ANKRD13D: variants seen among roughly 807,000 people sequenced by gnomAD.
ANKRD13D encodes the protein ankyrin repeat domain-containing protein 13D.
ANKRD13D carries 24 observed loss-of-function variants against 68.8 expected under a neutral mutation model. That is an observed-to-expected ratio of 0.35 (90% CI 0.25 to 0.49). ANKRD13D has a LOEUF of 0.49. Among genes scored for constraint, ANKRD13D ranks in the 20% least tolerant of loss-of-function variants. The pLI is 0.99. For missense variants in ANKRD13D, 735 were observed against 832.1 expected, an observed-to-expected ratio of 0.88 and a Z score of 1.44; for synonymous variants, 331 against 336.1, an observed-to-expected ratio of 0.98 and a Z score of 0.16.
At chr11:67,295,808 C>T (rs989007483) in intron 6 of ANKRD13D, among the ~76,000 whole-genome samples, 1 of 152,158 alleles carries the variant, frequency 6.6e-6, no homozygotes, top group African/African-American at 2.4e-5. Context: ...TTGTCTTGTT[C>T]TTCATCTTAG....
intron 6 of ANKRD13D, among the ~76,000 whole-genome samples, chr11:67,297,421 C>A (rs1259531011): frequency 6.6e-6 from 1 of 152,168 alleles, no homozygotes; most frequent in Non-Finnish European, 1.5e-5. Flanking sequence ...TCTCGAACTC[C>A]TGTGCTCAAG....
In ANKRD13D at chr11:67,301,581, A is replaced by G; in HGVS notation, c.1442A>G (p.Asp481Gly). 6.2e-7 allele frequency: 1 copy of G among 1,612,918 alleles called. No homozygotes were observed. Among genetic ancestry groups the G allele is most frequent in the South Asian group, 1.1e-5 (1 of 91,086 alleles). ...LGMERNEPLR[D>G]EDDDLLQFAI... is the part of the protein sequence containing the mutation. Reference sequence around the variant, plus strand: ...ATGGAGCGCAACGAGCCCCTCCGGGACGAGGACGATGACCTCCTGCAGTTC... The same window carrying G: ...ATGGAGCGCAACGAGCCCCTCCGGGGCGAGGACGATGACCTCCTGCAGTTC... The change falls in exon 13 of 15, where the codon GAC (aspartate) becomes GGC (glycine). Residue 481 changes from aspartate (D) to glycine (G), a missense_variant. By Grantham distance (94) the Asp-to-Gly change is moderately conservative. Coordinates refer to ENST00000511455, the MANE Select transcript of ANKRD13D (RefSeq NM_207354.3). This position sits in a 1 kb window ranked among gnomAD's most constrained non-coding sequence, Gnocchi z 4.5.
At chr11:67,291,934 A>G (rs1860574509) in intron 5 of ANKRD13D, 57 bp from the exon 6 acceptor site, 4 of 1,533,978 alleles carry the variant, frequency 2.6e-6, no homozygotes, top group South Asian at 1.2e-5. Flanking sequence ...CCCTCTCTGC[A>G]CTGCTGGCGC....
chr11:67,300,207 C>T lies in ANKRD13D; in HGVS notation c.1073+84C>T. On this transcript the variant is annotated intron_variant, in intron 10 of 14. Transcript: ENST00000511455. This position sits in a 1 kb window ranked among gnomAD's most constrained non-coding sequence, Gnocchi z 4.3. ...CTCTGGGCCTGTCATAGTTAGGGAC[C>T]CACTCCCTCGGCTGGCTTCTCTCTG... 1 of 1,568,922 alleles carries T rather than the reference C, an allele frequency of 6.4e-7. No homozygotes were observed. Among genetic ancestry groups the T allele is most frequent in the Non-Finnish European group, 8.7e-7 (1 of 1,152,708 alleles).
Position 67,302,213 on chromosome 11 carries a change from G to T in ANKRD13D, c.1699G>T (p.Glu567Ter). ...AGCCCCCGGTCCACCCAGCTTTGAA[G>T]AGCAGCTGCGCCTGGCCCTGGAGTT... is the stretch of plus-strand genomic sequence containing the variant. ...PPAPGPPSFE[E>*]QLRLALELSS... Residue 567 changes from glutamate to a stop codon, truncating the protein, a stop_gained, in exon 15 of 15, where the codon GAG becomes TAG. Coordinates refer to ENST00000511455, the MANE Select transcript of ANKRD13D (RefSeq NM_207354.3). LOFTEE classifies it high-confidence loss of function. 1 of 1,586,026 alleles carries T rather than the reference G, an allele frequency of 6.3e-7. No individual in the cohort carries two copies. The highest frequency in any genetic ancestry group is 8.6e-7 in the Non-Finnish European group (1 of 1,166,404).
chr11:67,289,433 G>A lies in ANKRD13D; in HGVS notation c.-28G>A, dbSNP rs563273856. On this transcript the variant is annotated 5_prime_UTR_variant, in exon 1 of 15. Transcript: ENST00000511455. ...CCGTGCCAGGCCCGAAGCCGAGGCG[G>A]GGCCGGGATGCGGCGCTGAGGCCCA... 2,882 of 1,423,112 alleles carry A rather than the reference G, an allele frequency of 2.0e-3. 51 individuals carry two copies. The African/African-American group carries it at 0.04, about 20-fold the overall frequency. 88.2% of individuals were successfully genotyped at this position (1,423,112 alleles called of 1,614,324 possible). A position where few individuals can be genotyped will look rare whatever the true frequency, so the allele number is the denominator to read the frequency against.
rs769999904 is a variant in ANKRD13D, at chr11:67,301,394, A to G, written c.1344A>G (p.Ala448=). 1.6e-5 allele frequency: 25 copies of G among 1,610,732 alleles called. No individual in the cohort carries two copies. The highest frequency in any genetic ancestry group is 2.2e-5 in the South Asian group (2 of 90,814). ...WVPAPSSAVA[A]SGNPFPCEVD... The stretch of plus-strand genomic sequence containing the variant: ...CGGCCCCCAGCTCTGCTGTTGCCGC[A>G]TCAGGTACCCCAACGGGAGGAAGAG... The change falls in exon 12 of 15, where the codon GCA becomes GCG. Residue 448 remains alanine (A), a synonymous_variant. Transcript: ENST00000511455. The surrounding 1 kb of genome is among the most constrained non-coding windows in gnomAD (Gnocchi z 4.5).
At chr11:67,290,299 C>G (rs907435371) in intron 2 of ANKRD13D, 23 bp from the exon 3 acceptor site, 1 of 1,548,024 alleles carries the variant, frequency 6.5e-7, no homozygotes, top group Admixed American at 2.0e-5. Context: ...GGAGGGCTCC[C>G]CTCAGCAGCC....
chr11:67,302,000 C>A lies in ANKRD13D; in HGVS notation c.1605-119C>A. 7.3e-7 allele frequency: 1 copy of A among 1,373,070 alleles called. No homozygotes were observed. Among genetic ancestry groups the A allele is most frequent in the Non-Finnish European group, 9.7e-7 (1 of 1,027,196 alleles). The allele number at this position is 1,373,070 out of a possible 1,614,324, so 85.1% of individuals were successfully genotyped here. ...GGGGAAGCAGGGCCCTGCCTTGTCT[C>A]CTCTGCTTGCCACCCTGTCTTTGCC... On this transcript the variant is annotated intron_variant, in intron 14 of 14. Coordinates refer to ENST00000511455, the MANE Select transcript of ANKRD13D (RefSeq NM_207354.3). The surrounding 1 kb of genome is among the most constrained non-coding windows in gnomAD (Gnocchi z 4.5).
chr11:67,292,783 C>T (rs1350899571), intron 6 of ANKRD13D, among the ~76,000 whole-genome samples: 9 of 152,028 alleles, frequency 5.9e-5, no homozygotes, highest in Admixed American at 5.9e-4. Context: ...AGGAAGAAAC[C>T]CCCCACCCTT....
intron 6 of ANKRD13D, among the ~76,000 whole-genome samples, chr11:67,296,660 T>G (rs146628705): frequency 0.027 from 4,068 of 152,128 alleles, 76 homozygotes; most frequent in African/African-American, 0.049. Context: ...GACAGAGTCT[T>G]ACTCTGTCAC....
Position 67,301,709 on chromosome 11 carries a change from G to A in ANKRD13D, c.1513-23G>A, listed in dbSNP as rs771840399. On this transcript the variant is annotated intron_variant, in intron 13 of 14. Coordinates refer to ENST00000511455, the MANE Select transcript of ANKRD13D (RefSeq NM_207354.3). The surrounding 1 kb of genome is among the most constrained non-coding windows in gnomAD (Gnocchi z 4.5). ...CTGCAGCCACACGGCAGAAGTGACA[G>A]CTGTGGGCTCTGGTGGCTGCAGGTG... is the stretch of plus-strand genomic sequence containing the variant. 3.1e-6 allele frequency: 5 copies of A among 1,611,376 alleles called. No individual in the cohort carries two copies. The highest frequency in any genetic ancestry group is 1.1e-5 in the South Asian group (1 of 90,992).
intron 1 of ANKRD13D, 67 bp downstream of exon 1, chr11:67,289,617 T>TGGGGGGGGGGGGGGGGG: frequency 3.6e-6 from 4 of 1,125,054 alleles, no homozygotes; most frequent in Non-Finnish European, 4.5e-6. Flanking sequence ...GCCTCCGTCC[T>TGGGGGGGGGGGGGGGGG]GGAGCCCCCC....
Position 67,300,124 on chromosome 11 carries a change from G to T in ANKRD13D, c.1073+1G>T. 6.2e-7 allele frequency: 1 copy of T among 1,613,936 alleles called. No individual in the cohort carries two copies. Among genetic ancestry groups the T allele is most frequent in the Non-Finnish European group, 8.5e-7 (1 of 1,179,916 alleles). On this transcript the variant is annotated splice_donor_variant, in intron 10 of 14. Coordinates refer to ENST00000511455, the MANE Select transcript of ANKRD13D (RefSeq NM_207354.3). LOFTEE classifies it high-confidence loss of function. The surrounding 1 kb of genome is among the most constrained non-coding windows in gnomAD (Gnocchi z 4.3). ...TCGAGATGTCCAGCAAAGTACAGAG[G>T]TGAGGTCTGAGAGCTGGCTGGGGAC...
At chr11:67,295,277 C>G (rs1860717030) in intron 6 of ANKRD13D, among the ~76,000 whole-genome samples, 1 of 151,990 alleles carries the variant, frequency 6.6e-6, no homozygotes, top group African/African-American at 2.4e-5. Flanking sequence ...ATTAGCCAGG[C>G]TTGGTGGCGG....
Position 67,300,969 on chromosome 11 carries a change from G to C in ANKRD13D, c.1074-21G>C. 2 of 1,613,034 alleles carry C rather than the reference G, an allele frequency of 1.2e-6. No individual in the cohort carries two copies. The highest frequency in any genetic ancestry group is 1.3e-5 in the African/African-American group (1 of 75,058). ...GGGCCACCAGCCGTGCCTCACCCATGTCCTGTGGTCGGCTGGGCAGGTTCA... is the reference window on the plus strand; with the variant it reads ...GGGCCACCAGCCGTGCCTCACCCATCTCCTGTGGTCGGCTGGGCAGGTTCA... On this transcript the variant is annotated intron_variant, in intron 10 of 14. Coordinates refer to ENST00000511455, the MANE Select transcript of ANKRD13D (RefSeq NM_207354.3). This position sits in a 1 kb window ranked among gnomAD's most constrained non-coding sequence, Gnocchi z 4.3.
At chr11:67,291,385 A>C in intron 3 of ANKRD13D, 91 bp from the exon 4 acceptor site, 1 of 1,068,256 alleles carries the variant, frequency 9.4e-7, no homozygotes, top group Non-Finnish European at 1.4e-6. Context: ...AGACCTGATG[A>C]AGGGCTGGGC....
Position 67,289,344 on chromosome 11 carries a change from C to CGCT in ANKRD13D, c.-116_-114dup, listed in dbSNP as rs1860428870. The CGCT allele has an allele frequency of 3.2e-6, 2 of 629,310 alleles. No individual in the cohort carries two copies. Among genetic ancestry groups the CGCT allele is most frequent in the Non-Finnish European group, 4.1e-6 (2 of 493,176 alleles). The allele number at this position is 629,310 out of a possible 1,614,324, so 39.0% of individuals were successfully genotyped here. The stretch of plus-strand genomic sequence containing the variant: ...GCGCTGCCGCCGCCGCCGCCGCCGC[C>CGCT]GCTACTGCTGCGGGGGCCGCGGGGG... On this transcript the variant is annotated 5_prime_UTR_variant, in exon 1 of 15. Coordinates refer to ENST00000511455, the MANE Select transcript of ANKRD13D (RefSeq NM_207354.3).
chr11:67,300,759 C>T lies in ANKRD13D; in HGVS notation c.1074-231C>T. The T allele has an allele frequency of 1.7e-6, 1 of 592,590 alleles. No homozygotes were observed. The highest frequency in any genetic ancestry group is 2.9e-5 in the East Asian group (1 of 35,016). The allele number at this position is 592,590 out of a possible 1,614,324, so 36.7% of individuals were successfully genotyped here. A position where few individuals can be genotyped will look rare whatever the true frequency, so the allele number is the denominator to read the frequency against. On this transcript the variant is annotated intron_variant, in intron 10 of 14. Transcript: ENST00000511455. This position sits in a 1 kb window ranked among gnomAD's most constrained non-coding sequence, Gnocchi z 4.3. ...GGCCTCCTTGTCCAGACCAGATGAG[C>T]TGGTACGAAATCCTCAGGAGCCCCA...
Sources: gnomAD v4.1 joint callset for allele counts (sites outside exome capture counted in the v4.1 genomes callset) on GRCh38, gnomAD v4.1.1 for gene constraint, Gnocchi (gnomAD v3.1) non-coding constraint, MANE v1.5 for transcripts, NCBI Gene and HGNC (gene_info 2026-07-23, HGNC 2026-07-21) for gene names.